The following RFWD3 variants were observed in gnomAD, a reference collection of about 807,000 sequenced individuals.
RFWD3 encodes E3 ubiquitin-protein ligase RFWD3.
RFWD3 carries 65 observed loss-of-function variants against 87.7 expected under a neutral mutation model. The observed-to-expected ratio is 0.74, with a 90% CI of 0.61 to 0.91. The LOEUF is 0.91. RFWD3 is among the 40% of genes least tolerant of loss of function. The probability of loss-of-function intolerance (pLI) is 0.00; values close to 1 mark genes in which losing one functional copy is unlikely to be tolerated. For synonymous variants in RFWD3, 433 were observed against 352.8 expected (o/e 1.23, Z -2.55); for missense variants, 1,078 against 938.5 (o/e 1.15, Z -1.94).
Position 74,644,371 on chromosome 16 carries a change from C to A in RFWD3, c.1070G>T (p.Arg357Leu). 6.2e-7 allele frequency: 1 copy of A among 1,614,024 alleles called. No homozygotes were observed. The change falls in exon 6 of 13, where the codon CGC becomes CTC. Residue 357 changes from arginine to leucine, a missense_variant. Coordinates refer to ENST00000361070, the MANE Select transcript of RFWD3 (RefSeq NM_018124.4). ...TACTCTTACCACCTACCTTTTCATG[C>A]GCTCCTGTTCACTAGTGTCCAAAGC... ...LRALDTSEQE[R>L]MKSSLLKEQM...
intron 2 of RFWD3, among the ~76,000 whole-genome samples, chr16:74,657,366 T>A (rs8062783): frequency 6.6e-6 from 1 of 151,940 alleles, no homozygotes; most frequent in Non-Finnish European, 1.5e-5. Flanking sequence ...TCCTGAATTA[T>A]GAAAAAGTTG....
At chr16:74,654,941 G>A (rs1458369434) in intron 2 of RFWD3, among the ~76,000 whole-genome samples, 1 of 152,182 alleles carries the variant, frequency 6.6e-6, no homozygotes, top group Non-Finnish European at 1.5e-5. Flanking sequence ...GCAGGAAGTT[G>A]GAAGAAAGCA....
chr16:74,638,450 T>C (rs1597426429), intron 6 of RFWD3, among the ~76,000 whole-genome samples: 1 of 152,220 alleles, frequency 6.6e-6, no homozygotes, highest in East Asian at 1.9e-4. Context: ...TAAATAGGCA[T>C]AACGAGGAAC....
chr16:74,624,164 G>A, intron 12 of RFWD3, 93 bp from the exon 13 acceptor site: 22 of 1,427,146 alleles, frequency 1.5e-5, no homozygotes, highest in Non-Finnish European at 2.1e-5. Context: ...AAAGGCTGCA[G>A]AGAGAACACT....
At chr16:74,658,776 T>C (rs1330364653) in intron 2 of RFWD3, among the ~76,000 whole-genome samples, 2 of 151,726 alleles carry the variant, frequency 1.3e-5, no homozygotes, top group Non-Finnish European at 2.9e-5. Flanking sequence ...ATTTTTTTTT[T>C]TTTTTTTTGA....
Position 74,661,422 on chromosome 16 carries a change from C to T in RFWD3, c.28G>A (p.Val10Ile), listed in dbSNP as rs1961430272. 6.2e-7 allele frequency: 1 copy of T among 1,611,274 alleles called. No individual in the cohort carries two copies. Residue 10 changes from valine (V) to isoleucine (I), a missense_variant, in exon 2 of 13, where the codon GTT (valine) becomes ATT (isoleucine). Coordinates refer to ENST00000361070, the MANE Select transcript of RFWD3 (RefSeq NM_018124.4). MAHEAMEYD[V>I]QVQLNHAEQQ... ...TCGGCATGATTTAACTGCACCTGAA[C>T]ATCATATTCCATTGCTTCATGAGCC...
intron 2 of RFWD3, among the ~76,000 whole-genome samples, chr16:74,655,816 A>G (rs902485306): frequency 3.3e-5 from 5 of 152,116 alleles, no homozygotes; most frequent in Non-Finnish European, 7.4e-5. Flanking sequence ...GTGAGCCACC[A>G]CACCCGGCCT....
At position 74,661,168 on chromosome 16, in the gene RFWD3, G is replaced by C; in HGVS notation, c.282C>G (p.Ile94Met). 1 of 1,614,188 alleles carries C rather than the reference G, an allele frequency of 6.2e-7. No individual in the cohort carries two copies. Among genetic ancestry groups the C allele is most frequent in the Non-Finnish European group, 8.5e-7 (1 of 1,180,034 alleles). ...EVLGEDTVENINPRTSEQHRQ... is the reference protein window; with the variant it reads ...EVLGEDTVENMNPRTSEQHRQ... ...TATGTTGTTCTGAAGTTCTTGGATTGATGTTCTCCACAGTGTCTTCTCCCA... is the reference window on the plus strand; with the variant it reads ...TATGTTGTTCTGAAGTTCTTGGATTCATGTTCTCCACAGTGTCTTCTCCCA... Residue 94 changes from isoleucine to methionine, a missense_variant, in exon 2 of 13, where the codon ATC (isoleucine) becomes ATG (methionine). By Grantham distance (10) the Ile-to-Met change is conservative (BLOSUM62 1). Transcript: ENST00000361070.
intron 7 of RFWD3, among the ~76,000 whole-genome samples, chr16:74,636,959 C>T (rs1479317233): frequency 2.0e-5 from 3 of 151,924 alleles, no homozygotes; most frequent in Admixed American, 6.6e-5. Context: ...GTGATCCACC[C>T]GCCTCGGCCG....
intron 2 of RFWD3, among the ~76,000 whole-genome samples, chr16:74,659,433 A>G (rs961494755): frequency 6.6e-6 from 1 of 152,156 alleles, no homozygotes; most frequent in Non-Finnish European, 1.5e-5. Context: ...ATGACATCTT[A>G]AAACAACAGA....
intron 2 of RFWD3, among the ~76,000 whole-genome samples, chr16:74,655,236 G>A (rs906946439): frequency 5.9e-5 from 9 of 152,066 alleles, no homozygotes; most frequent in Admixed American, 6.6e-5. Flanking sequence ...GACTTCAGTT[G>A]AAGCCGATGC....
chr16:74,635,274 C>A (rs1959185189), intron 8 of RFWD3, among the ~76,000 whole-genome samples: 1 of 150,630 alleles, frequency 6.6e-6, no homozygotes, highest in Non-Finnish European at 1.5e-5. Context: ...AAGAGCGAGA[C>A]TCCATCTCAA....
Position 74,666,772 on chromosome 16 carries a change from A to C in RFWD3, c.-3+14T>G, listed in dbSNP as rs1961962994. On this transcript the variant is annotated intron_variant, in intron 1 of 12. Transcript: ENST00000361070. ...GAGGCCCAAGGCCTGAGGAGAAGCA[A>C]CACCCCTCCTCACCTGAAACCAGCA... 1 of 98,460 alleles carries C rather than the reference A, an allele frequency of 1.0e-5. No individual in the cohort carries two copies. The highest frequency in any genetic ancestry group is 4.8e-4 in the South Asian group (1 of 2,064). 6.1% of individuals were successfully genotyped at this position (98,460 alleles called of 1,614,324 possible).
intron 2 of RFWD3, among the ~76,000 whole-genome samples, chr16:74,655,707 T>A (rs570310257): frequency 6.6e-6 from 1 of 151,812 alleles, no homozygotes; most frequent in Non-Finnish European, 1.5e-5. Flanking sequence ...GTATTTTTAG[T>A]GGAGACGGGG....
chr16:74,650,748 G>A (rs1466592848), intron 3 of RFWD3, among the ~76,000 whole-genome samples: 2 of 152,116 alleles, frequency 1.3e-5, no homozygotes, highest in Non-Finnish European at 2.9e-5. Context: ...GTGGAGGCAT[G>A]CACATGTAGT....
In RFWD3 at chr16:74,637,920, G is replaced by C; in HGVS notation, c.1130C>G (p.Ala377Gly). 6.2e-7 allele frequency: 1 copy of C among 1,612,576 alleles called. No individual in the cohort carries two copies. The highest frequency in any genetic ancestry group is 1.1e-5 in the South Asian group (1 of 90,942). ...GACCTGCAGTTGGAGTCGGCACTGT[G>C]CTGATTCTAACTCGGCCTGTTTCCT... The part of the protein sequence containing the change: ...MLRKQAELES[A>G]QCRLQLQVLT... The change falls in exon 7 of 13, where the codon GCA becomes GGA. Residue 377 changes from alanine to glycine, a missense_variant. Physicochemically the swap from Ala to Gly is moderately conservative, Grantham distance 60. Transcript: ENST00000361070.
intron 1 of RFWD3, among the ~76,000 whole-genome samples, chr16:74,662,395 G>A (rs1339169528): frequency 6.6e-6 from 1 of 152,172 alleles, no homozygotes; most frequent in Non-Finnish European, 1.5e-5. Context: ...CACCTGTTAT[G>A]CAGACAAGAC....
chr16:74,643,403 T>A (rs1451492550), intron 6 of RFWD3, among the ~76,000 whole-genome samples: 3 of 152,180 alleles, frequency 2.0e-5, no homozygotes, highest in Non-Finnish European at 2.9e-5. Flanking sequence ...AACTAAGCAA[T>A]CCCCTTGCCT....
At chr16:74,649,497 A>G (rs535542288) in intron 3 of RFWD3, among the ~76,000 whole-genome samples, 6 of 152,330 alleles carry the variant, frequency 3.9e-5, no homozygotes, top group Admixed American at 1.3e-4. Context: ...TGTTCCACCT[A>G]AGCCCCCATT....
Sources: allele counts gnomAD v4.1 joint callset (sites outside exome capture counted in the v4.1 genomes callset), GRCh38; gene constraint gnomAD v4.1.1; transcripts MANE v1.5; gene names NCBI Gene and HGNC (gene_info 2026-07-23, HGNC 2026-07-21).